Variants in ASTN1 observed in about 807,000 individuals in gnomAD.
ASTN1 encodes astrotactin-1.
Under a neutral mutation model 140.7 loss-of-function variants are expected in ASTN1, and 41 were observed. The observed-to-expected ratio is 0.29, with a 90% CI of 0.23 to 0.38. The LOEUF is 0.38. Among genes scored for constraint, ASTN1 ranks in the 10% least tolerant of loss-of-function variants. The pLI is 1.00. For synonymous variants in ASTN1, 640 were observed against 652.2 expected (o/e 0.98, Z 0.29); for missense variants, 1,479 against 1,678.8 (o/e 0.88, Z 2.08).
Position 177,070,151 on chromosome 1 carries a change from G to T in ASTN1, c.284-8886C>A, listed in dbSNP as rs552995480. On this transcript the variant is annotated intron_variant, in intron 1 of 22. Transcript: ENST00000361833. ...AGTTTCACGACTGGAATTCTGATTT[G>T]AGCTTTGCAAGTCCTTGAGGGCCAC... 8.7e-4 allele frequency among the ~76,000 whole-genome samples: 133 copies of T among 152,288 alleles called. 1 individual carries two copies. The highest frequency in any genetic ancestry group is 1.4e-3 in the Non-Finnish European group (97 of 68,028).
At chr1:177,005,888 C>G (rs1252498741) in intron 8 of ASTN1, among the ~76,000 whole-genome samples, 1 of 152,174 alleles carries the variant, frequency 6.6e-6, no homozygotes, top group Admixed American at 6.5e-5. Context: ...GGATTACAAG[C>G]GTGAGCCACC....
intron 2 of ASTN1, among the ~76,000 whole-genome samples, chr1:177,051,754 G>A (rs1381976768): frequency 1.3e-5 from 2 of 152,124 alleles, no homozygotes; most frequent in Non-Finnish European, 2.9e-5. Flanking sequence ...ATGGCATCAG[G>A]ACTCAGAATC....
intron 13 of ASTN1, 38 bp from the exon 14 acceptor site, chr1:176,944,056 G>A (rs1288349304): frequency 1.9e-6 from 3 of 1,605,510 alleles, no homozygotes; most frequent in Non-Finnish European, 2.5e-6. Flanking sequence ...GAGTGTTCAG[G>A]TGAACCTGAC....
intron 2 of ASTN1, among the ~76,000 whole-genome samples, chr1:177,042,091 G>A (rs1362348258): frequency 6.6e-6 from 1 of 152,198 alleles, no homozygotes; most frequent in Non-Finnish European, 1.5e-5. Flanking sequence ...ATCTGAACCA[G>A]GGAAGACCCT....
chr1:177,110,565 G>A (rs1459570647), intron 1 of ASTN1, among the ~76,000 whole-genome samples: 1 of 152,200 alleles, frequency 6.6e-6, no homozygotes, highest in Non-Finnish European at 1.5e-5. Flanking sequence ...TACAAAGGGG[G>A]AGGAAATAAA....
chr1:177,161,496 A>G (rs1013197375), intron 1 of ASTN1, among the ~76,000 whole-genome samples: 9 of 152,216 alleles, frequency 5.9e-5, no homozygotes, highest in African/African-American at 2.2e-4. Flanking sequence ...GAGGCTTCAT[A>G]GAGAGATGAC....
intron 9 of ASTN1, among the ~76,000 whole-genome samples, chr1:176,961,762 T>A (rs1012973242): frequency 1.3e-5 from 2 of 152,102 alleles, no homozygotes; most frequent in Non-Finnish European, 2.9e-5. Flanking sequence ...TAAAATCTCA[T>A]CTGTCCCTCA....
At chr1:176,919,749 T>A (rs1670650489) in intron 16 of ASTN1, among the ~76,000 whole-genome samples, 1 of 152,252 alleles carries the variant, frequency 6.6e-6, no homozygotes, top group African/African-American at 2.4e-5. Context: ...AGGTTTATAA[T>A]AAACTGACAG....
Position 177,032,505 on chromosome 1 carries a change from G to A in ASTN1, c.816C>T (p.Leu272=), listed in dbSNP as rs570004718. 7 of 1,614,082 alleles carry A rather than the reference G, an allele frequency of 4.3e-6. No homozygotes were observed. Among genetic ancestry groups the A allele is most frequent in the Non-Finnish European group, 5.9e-6 (7 of 1,180,020 alleles). The part of the protein sequence containing the change: ...EDFASQVTRT[L]DSLQGCNEKS... ...TTTCATTGCAGCCCTGCAGGGAGTC[G>A]AGGGTGCGCGTGACCTGGCTGGCAA... Residue 272 remains leucine (L), a synonymous_variant, in exon 3 of 23, where the codon CTC becomes CTT. Coordinates refer to ENST00000361833, the MANE Select transcript of ASTN1 (RefSeq NM_004319.3).
chr1:176,872,599 C>T (rs1417379334), intron 21 of ASTN1, among the ~76,000 whole-genome samples: 1 of 152,158 alleles, frequency 6.6e-6, no homozygotes, highest in Admixed American at 6.5e-5. Context: ...CAGCCCCTTG[C>T]TCACAGTCCT....
At chr1:176,983,071 G>C (rs1673703024) in intron 8 of ASTN1, among the ~76,000 whole-genome samples, 1 of 152,152 alleles carries the variant, frequency 6.6e-6, no homozygotes, top group Non-Finnish European at 1.5e-5. Flanking sequence ...CTATGATGTT[G>C]GGGTGGGTGA....
chr1:176,906,407 G>T (rs546932814), intron 16 of ASTN1, among the ~76,000 whole-genome samples: 2 of 152,182 alleles, frequency 1.3e-5, no homozygotes, highest in Non-Finnish European at 2.9e-5. Context: ...AGTGCTCAGT[G>T]CTCCATAAGG....
intron 1 of ASTN1, among the ~76,000 whole-genome samples, chr1:177,156,249 A>C (rs1284420524): frequency 6.6e-6 from 1 of 151,658 alleles, no homozygotes; most frequent in East Asian, 1.9e-4. Flanking sequence ...CAGCGTGGGC[A>C]ACAAGGTGAG....
intron 8 of ASTN1, among the ~76,000 whole-genome samples, chr1:177,008,479 G>GAGGAAGAGAGAGGGAGAC (rs1553242846): frequency 3.8e-5 from 5 of 130,258 alleles, no homozygotes; most frequent in South Asian, 2.6e-4. Flanking sequence ...GAGAGAGGGA[G>GAGGAAGAGAGAGGGAGAC]AGGAAGAGAG....
intron 8 of ASTN1, among the ~76,000 whole-genome samples, chr1:176,999,021 T>A (rs1382930816): frequency 6.6e-6 from 1 of 152,112 alleles, no homozygotes; most frequent in African/African-American, 2.4e-5. Context: ...AGGCACAGAG[T>A]AAACTGACAG....
intron 8 of ASTN1, among the ~76,000 whole-genome samples, chr1:176,981,211 CAAAAA>C (rs35209486): frequency 5.8e-4 from 14 of 24,058 alleles, no homozygotes; most frequent in Admixed American, 1.6e-3. Context: ...GACTCTGTCT[CAAAAA>C]AAAAAAAAAA....
At chr1:176,871,044 A>C (rs1325527262) in intron 21 of ASTN1, among the ~76,000 whole-genome samples, 1 of 152,186 alleles carries the variant, frequency 6.6e-6, no homozygotes, top group Non-Finnish European at 1.5e-5. Flanking sequence ...GCTATTGTGT[A>C]CTGATGTGTG....
Position 177,049,489 on chromosome 1 carries a change from G to T in ASTN1, c.471+11589C>A, listed in dbSNP as rs56856418. Among the ~76,000 whole-genome samples the T allele has an allele frequency of 7.4e-3, 1,132 of 152,120 alleles. 16 individuals carry two copies. The highest frequency in any genetic ancestry group is 0.026 in the African/African-American group (1,080 of 41,486). ...AAAAATATGCCAATAAAACATGAAC[G>T]CCAAAGTTTTGAGAACACTTATCTC... On this transcript the variant is annotated intron_variant, in intron 2 of 22. Transcript: ENST00000361833.
chr1:177,023,592 A>G, intron 6 of ASTN1, 21 bp from the exon 7 acceptor site: 1 of 1,557,882 alleles, frequency 6.4e-7, no homozygotes, highest in Non-Finnish European at 8.6e-7. Context: ...AGAGAAAGGA[A>G]GCATGCCTAT....
Sources: gnomAD v4.1 joint callset for allele counts (sites outside exome capture counted in the v4.1 genomes callset) on GRCh38, gnomAD v4.1.1 for gene constraint, MANE v1.5 for transcripts, NCBI Gene and HGNC (gene_info 2026-07-23, HGNC 2026-07-21) for gene names.